The following ADAMTS12 variants were observed in gnomAD, a reference collection of about 807,000 sequenced individuals.
The protein encoded by ADAMTS12 is ADAM metallopeptidase with thrombospondin type 1 motif 12.
ADAMTS12 carries 118 observed loss-of-function variants against 167.8 expected under a neutral mutation model. That is an observed-to-expected ratio of 0.70 (90% CI 0.61 to 0.82). The LOEUF (loss-of-function observed/expected upper bound fraction) is 0.82, where lower values mean the gene tolerates loss of function less well. Among genes scored for constraint, ADAMTS12 ranks in the 40% least tolerant of loss-of-function variants. The probability of loss-of-function intolerance (pLI) is 0.00; values close to 1 mark genes in which losing one functional copy is unlikely to be tolerated. For missense variants in ADAMTS12, 1,916 were observed against 1,998.8 expected, an observed-to-expected ratio of 0.96 and a Z score of 0.79; for synonymous variants, 704 against 716.9, an observed-to-expected ratio of 0.98 and a Z score of 0.29.
At chr5:33,610,447 G>A (rs867588332) in intron 16 of ADAMTS12, among the ~76,000 whole-genome samples, 2 of 152,080 alleles carry the variant, frequency 1.3e-5, no homozygotes, top group Admixed American at 6.5e-5. Context: ...GAACTACCTC[G>A]AGCAGGTAGT....
intron 5 of ADAMTS12, among the ~76,000 whole-genome samples, chr5:33,673,796 T>G (rs1335719941): frequency 1.3e-5 from 2 of 152,162 alleles, no homozygotes; most frequent in Non-Finnish European, 2.9e-5. Flanking sequence ...CAGATCTCCC[T>G]CACATACTCC....
intron 22 of ADAMTS12, among the ~76,000 whole-genome samples, chr5:33,536,848 T>TA (rs1431783118): frequency 1.3e-5 from 2 of 152,246 alleles, no homozygotes; most frequent in Admixed American, 6.5e-5. Flanking sequence ...GCCCAATTCT[T>TA]ACAGCATTTT....
At chr5:33,719,376 A>C (rs1202341525) in intron 3 of ADAMTS12, among the ~76,000 whole-genome samples, 1 of 152,118 alleles carries the variant, frequency 6.6e-6, no homozygotes, top group East Asian at 1.9e-4. Flanking sequence ...ACCCTCATAC[A>C]CTCTGGGTTG....
intron 2 of ADAMTS12, among the ~76,000 whole-genome samples, chr5:33,828,033 T>G (rs1271817099): frequency 6.6e-6 from 1 of 152,180 alleles, no homozygotes; most frequent in Middle Eastern, 3.2e-3. Flanking sequence ...TATCTAAGAA[T>G]TCCTCCAGGG....
chr5:33,554,633 C>T (rs1202968163), intron 20 of ADAMTS12, among the ~76,000 whole-genome samples: 1 of 152,158 alleles, frequency 6.6e-6, no homozygotes, highest in African/African-American at 2.4e-5. Flanking sequence ...TTGACTTTTG[C>T]ACACTGGACT....
Position 33,833,399 on chromosome 5 carries a change from C to T in ADAMTS12, c.489+47720G>A, listed in dbSNP as rs574913442. ...ATTGCAACATGAATTCTCACAGCTG[C>T]CTCTTCAGGGGAGCTCAGGGACTTT... On this transcript the variant is annotated intron_variant, in intron 2 of 23. Transcript: ENST00000504830. Among the ~76,000 whole-genome samples the T allele has an allele frequency of 2.0e-5, 3 of 152,276 alleles. No homozygotes were observed. The South Asian group carries it at 6.2e-4, about 32-fold the overall frequency.
intron 20 of ADAMTS12, among the ~76,000 whole-genome samples, chr5:33,551,192 A>G (rs1358534714): frequency 6.6e-6 from 1 of 151,966 alleles, no homozygotes; most frequent in African/African-American, 2.4e-5. Context: ...GTAGACATAG[A>G]CCCCAAATAC....
At chr5:33,563,587 G>A (rs1384902267) in intron 19 of ADAMTS12, among the ~76,000 whole-genome samples, 1 of 152,172 alleles carries the variant, frequency 6.6e-6, no homozygotes, top group Non-Finnish European at 1.5e-5. Flanking sequence ...AGCACCATAT[G>A]AACACTGCTC....
intron 1 of ADAMTS12, among the ~76,000 whole-genome samples, chr5:33,883,903 AAGAG>A (rs1172246002): frequency 1.3e-5 from 2 of 152,182 alleles, no homozygotes; most frequent in South Asian, 4.1e-4. Flanking sequence ...AGACCTACCA[AAGAG>A]AGAAACTGTG....
intron 2 of ADAMTS12, among the ~76,000 whole-genome samples, chr5:33,864,755 C>T (rs4866394): frequency 2.0e-5 from 3 of 152,034 alleles, no homozygotes; most frequent in Non-Finnish European, 4.4e-5. Flanking sequence ...AACCAAACAC[C>T]GCATGTTCTC....
At chr5:33,590,063 C>T (rs1231043354) in intron 17 of ADAMTS12, among the ~76,000 whole-genome samples, 1 of 152,038 alleles carries the variant, frequency 6.6e-6, no homozygotes, top group African/African-American at 2.4e-5. Flanking sequence ...GATGTGAAAC[C>T]AAATAAGTGC....
intron 18 of ADAMTS12, among the ~76,000 whole-genome samples, chr5:33,578,772 T>G (rs1213570925): frequency 6.6e-6 from 1 of 152,240 alleles, no homozygotes; most frequent in Admixed American, 6.5e-5. Flanking sequence ...AAAACAGCTC[T>G]GTGAAATCAG....
intron 18 of ADAMTS12, among the ~76,000 whole-genome samples, chr5:33,580,350 T>G (rs970173128): frequency 6.6e-6 from 1 of 152,100 alleles, no homozygotes; most frequent in African/African-American, 2.4e-5. Flanking sequence ...GAGAGACAAG[T>G]GCAGACTGAA....
Position 33,748,351 on chromosome 5 carries a change from T to A in ADAMTS12, c.634+3053A>T, listed in dbSNP as rs113453674. Among the ~76,000 whole-genome samples the A allele has an allele frequency of 5.1e-3, 775 of 152,306 alleles. 14 individuals carry two copies. Among genetic ancestry groups the A allele is most frequent in the African/African-American group, 0.016 (685 of 41,570 alleles). ...TTTACCATAGATTCTAGAAAGTCGA[T>A]CTTAGAGGAAACAAGAATTGCAGCA... On this transcript the variant is annotated intron_variant, in intron 3 of 23. Transcript: ENST00000504830.
intron 2 of ADAMTS12, among the ~76,000 whole-genome samples, chr5:33,823,226 G>C (rs1747930543): frequency 6.6e-6 from 1 of 152,052 alleles, no homozygotes; most frequent in African/African-American, 2.4e-5. Context: ...TTCTCCCTGG[G>C]TGGCAAGCTC....
At position 33,576,255 on chromosome 5, in the gene ADAMTS12, T is replaced by C; in HGVS notation, c.3771A>G (p.Pro1257=). The C allele has an allele frequency of 6.2e-7, 1 of 1,614,242 alleles. No homozygotes were observed. The highest frequency in any genetic ancestry group is 8.5e-7 in the Non-Finnish European group (1 of 1,180,034). Residue 1257 remains proline, a synonymous_variant, in exon 19 of 24, where the codon CCA becomes CCG. Coordinates refer to ENST00000504830, the MANE Select transcript of ADAMTS12 (RefSeq NM_030955.4). ...TLLPLGGDHQ[P]EPSGKTANRN... Reference sequence around the variant, plus strand: ...GGTTTGCCGTCTTTCCTGAGGGTTCTGGCTGGTGGTCTCCTCCCAGAGGGA... The same window carrying C: ...GGTTTGCCGTCTTTCCTGAGGGTTCCGGCTGGTGGTCTCCTCCCAGAGGGA...
intron 2 of ADAMTS12, among the ~76,000 whole-genome samples, chr5:33,805,426 T>C (rs1747186799): frequency 6.6e-6 from 1 of 152,188 alleles, no homozygotes; most frequent in Non-Finnish European, 1.5e-5. Context: ...GAACAAGGTA[T>C]GAGACCCCAG....
At chr5:33,865,305 T>C (rs1235358499) in intron 2 of ADAMTS12, among the ~76,000 whole-genome samples, 1 of 152,076 alleles carries the variant, frequency 6.6e-6, no homozygotes, top group East Asian at 1.9e-4. Context: ...ACCCCAGGGA[T>C]GTAGGGACGA....
chr5:33,736,343 G>A (rs560767454), intron 3 of ADAMTS12, among the ~76,000 whole-genome samples: 2 of 152,164 alleles, frequency 1.3e-5, no homozygotes, highest in East Asian at 1.9e-4. Context: ...GATTACAGGC[G>A]TGAGCCACCA....
Sources: allele counts gnomAD v4.1 joint callset (sites outside exome capture counted in the v4.1 genomes callset), GRCh38; gene constraint gnomAD v4.1.1; transcripts MANE v1.5; gene names NCBI Gene and HGNC (gene_info 2026-07-23, HGNC 2026-07-21).